The following ADAM23 variants were observed in gnomAD, a reference collection of about 807,000 sequenced individuals.
ADAM23 encodes the protein ADAM metallopeptidase domain 23.
ADAM23 carries 33 observed loss-of-function variants against 120.1 expected under a neutral mutation model. The observed-to-expected ratio is 0.27, with a 90% CI of 0.21 to 0.37. ADAM23 has a LOEUF of 0.37. ADAM23 is among the 10% of genes least tolerant of loss of function. The probability of loss-of-function intolerance (pLI) is 1.00; values close to 1 mark genes in which losing one functional copy is unlikely to be tolerated. For missense variants in ADAM23, 862 were observed against 1,058.2 expected (o/e 0.81, Z 2.57); for synonymous variants, 367 against 375.2 (o/e 0.98, Z 0.25).
At chr2:206,594,180 T>C (rs1698476710) in intron 22 of ADAM23, among the ~76,000 whole-genome samples, 1 of 151,884 alleles carries the variant, frequency 6.6e-6, no homozygotes, top group South Asian at 2.1e-4. Flanking sequence ...AAAGACAAAA[T>C]TGACTAATGA....
At chr2:206,565,373 G>A (rs1574537357) in intron 14 of ADAM23, among the ~76,000 whole-genome samples, 1 of 152,164 alleles carries the variant, frequency 6.6e-6, no homozygotes, top group Non-Finnish European at 1.5e-5. Context: ...TAGATTAAAA[G>A]TTGGTTATCT....
intron 13 of ADAM23, among the ~76,000 whole-genome samples, chr2:206,563,941 A>G (rs1454034941): frequency 6.6e-6 from 1 of 151,988 alleles, no homozygotes; most frequent in East Asian, 1.9e-4. Flanking sequence ...TGTGTTAGCC[A>G]GTATGGTCTC....
chr2:206,503,392 G>T (rs895392860), intron 3 of ADAM23, among the ~76,000 whole-genome samples: 4 of 152,112 alleles, frequency 2.6e-5, no homozygotes, highest in African/African-American at 7.2e-5. Context: ...GAGGGAAAAA[G>T]AAATACATTG....
intron 2 of ADAM23, among the ~76,000 whole-genome samples, chr2:206,456,128 A>C (rs1191304524): frequency 6.6e-6 from 1 of 152,196 alleles, no homozygotes; most frequent in Non-Finnish European, 1.5e-5. Context: ...AAGAAGTTTA[A>C]TTGACTCACA....
chr2:206,496,941 G>C (rs1696265159), intron 3 of ADAM23, among the ~76,000 whole-genome samples: 1 of 152,106 alleles, frequency 6.6e-6, no homozygotes, highest in Admixed American at 6.6e-5. Flanking sequence ...ACTCTCCCAA[G>C]ACTAAACCAG....
chr2:206,601,155 A>G (rs1255149682), intron 24 of ADAM23, among the ~76,000 whole-genome samples: 1 of 152,224 alleles, frequency 6.6e-6, no homozygotes, highest in Non-Finnish European at 1.5e-5. Flanking sequence ...TATAGAATAC[A>G]GTGGAACTTT....
intron 24 of ADAM23, among the ~76,000 whole-genome samples, chr2:206,604,980 C>T (rs1350399310): frequency 6.6e-6 from 1 of 152,202 alleles, no homozygotes; most frequent in Non-Finnish European, 1.5e-5. Flanking sequence ...TGTCTTCCAA[C>T]TTTAACACCA....
chr2:206,607,197 G>T (rs1698744116), intron 24 of ADAM23: 2 of 152,204 alleles, frequency 1.3e-5, no homozygotes, highest in African/African-American at 4.8e-5. Context: ...CACAGGGGAA[G>T]CTAGAAATAC....
In ADAM23 at chr2:206,477,901, T is replaced by TATATATATACATATATATATATATATAC; in HGVS notation, c.433-3322_433-3321insCATATATATATATATATACATATATATA. Among the ~76,000 whole-genome samples the TATATATATACATATATATATATATATAC allele has an allele frequency of 2.5e-5, 3 of 122,230 alleles. No individual in the cohort carries two copies. In the South Asian group the frequency reaches 7.7e-4, roughly 31 times the overall value. The allele number at this position is 122,230 out of a possible 152,430, so 80.2% of individuals were successfully genotyped here. A position where few individuals can be genotyped will look rare whatever the true frequency, so the allele number is the denominator to read the frequency against. On this transcript the variant is annotated intron_variant, in intron 2 of 25. Coordinates refer to ENST00000264377, the MANE Select transcript of ADAM23 (RefSeq NM_003812.4). Reference sequence around the variant, plus strand: ...CTGTTAAAAAAAAAAAAAAAAAATATATATATATATATATATATATAAAAC... The same window carrying TATATATATACATATATATATATATATAC: ...CTGTTAAAAAAAAAAAAAAAAAATATATATATATACATATATATATATATATACATATATATATATATATATATAAAAC...
At chr2:206,544,117 T>C (rs1345855279) in intron 6 of ADAM23, among the ~76,000 whole-genome samples, 2 of 152,060 alleles carry the variant, frequency 1.3e-5, no homozygotes, top group East Asian at 3.8e-4. Flanking sequence ...AAAAACCTAT[T>C]GAAATTAGAA....
At chr2:206,496,974 G>T (rs933085659) in intron 3 of ADAM23, among the ~76,000 whole-genome samples, 6 of 152,148 alleles carry the variant, frequency 3.9e-5, no homozygotes. Context: ...TCTCTGAATA[G>T]ACCAATAACG....
chr2:206,602,560 T>C (rs1425527597), intron 24 of ADAM23, among the ~76,000 whole-genome samples: 1 of 152,176 alleles, frequency 6.6e-6, no homozygotes, highest in Admixed American at 6.6e-5. Flanking sequence ...ATGACTTTGA[T>C]GCCTCCTGCC....
chr2:206,445,008 C>T (rs866180581), intron 1 of ADAM23, among the ~76,000 whole-genome samples: 9 of 139,502 alleles, frequency 6.5e-5, no homozygotes, highest in Middle Eastern at 8.1e-3. Context: ...ACCCCCCCCC[C>T]AACACTTAGA....
chr2:206,525,933 A>T (rs907293367), intron 3 of ADAM23, among the ~76,000 whole-genome samples: 1 of 152,108 alleles, frequency 6.6e-6, no homozygotes, highest in Admixed American at 6.6e-5. Flanking sequence ...TTTCCAAAAA[A>T]ACTGGATCTA....
chr2:206,531,459 T>C (rs1355138098), intron 4 of ADAM23, among the ~76,000 whole-genome samples: 1 of 152,318 alleles, frequency 6.6e-6, no homozygotes, highest in East Asian at 1.9e-4. Flanking sequence ...AGAGGGCAAA[T>C]AAGCCTGCTT....
intron 1 of ADAM23, 118 bp downstream of exon 1, chr2:206,444,198 C>T (rs913390334): frequency 1.3e-6 from 1 of 746,448 alleles, no homozygotes; most frequent in Non-Finnish European, 1.8e-6. Flanking sequence ...TTCCTTCCCT[C>T]CCTGCCTGTC....
intron 25 of ADAM23, among the ~76,000 whole-genome samples, chr2:206,613,142 C>G (rs1008939982): frequency 1.3e-5 from 2 of 152,128 alleles, no homozygotes; most frequent in Non-Finnish European, 2.9e-5. Flanking sequence ...TCACCGCAAC[C>G]TCCGCCTCCC....
At chr2:206,472,142 A>G (rs948799889) in intron 2 of ADAM23, among the ~76,000 whole-genome samples, 7 of 152,284 alleles carry the variant, frequency 4.6e-5, no homozygotes, top group Middle Eastern at 3.4e-3. Context: ...GGAAAATCTT[A>G]GTTTGACCTC....
At chr2:206,487,112 A>G (rs1404099961) in intron 3 of ADAM23, among the ~76,000 whole-genome samples, 3 of 152,170 alleles carry the variant, frequency 2.0e-5, no homozygotes, top group African/African-American at 7.2e-5. Flanking sequence ...GGTTGTTGCA[A>G]GGATTAGATG....
Sources: gnomAD v4.1 joint callset for allele counts (sites outside exome capture counted in the v4.1 genomes callset) on GRCh38, gnomAD v4.1.1 for gene constraint, MANE v1.5 for transcripts, NCBI Gene and HGNC (gene_info 2026-07-23, HGNC 2026-07-21) for gene names.